Variants in FGF8 observed in about 807,000 individuals in gnomAD.
The protein encoded by FGF8 is androgen-induced growth factor.
Under a neutral mutation model 29.7 loss-of-function variants are expected in FGF8, and 12 were observed. The ratio of observed to expected loss-of-function variants is 0.40; its 90% CI spans 0.26 to 0.65. The LOEUF (loss-of-function observed/expected upper bound fraction) is 0.65, where lower values mean the gene tolerates loss of function less well. Among genes scored for constraint, FGF8 ranks in the 30% least tolerant of loss-of-function variants. FGF8 has a pLI of 0.37. For synonymous variants in FGF8, 157 were observed against 144.4 expected, an observed-to-expected ratio of 1.09 and a Z score of -0.63; for missense variants, 271 against 345.1, an observed-to-expected ratio of 0.79 and a Z score of 1.70.
Position 101,770,368 on chromosome 10 carries a change from C to A in FGF8, c.696G>T (p.Leu232=), listed in dbSNP as rs1268088935. 1.2e-6 allele frequency: 2 copies of A among 1,600,984 alleles called. No homozygotes were observed. The highest frequency in any genetic ancestry group is 1.7e-6 in the Non-Finnish European group (2 of 1,175,460). Residue 232 remains leucine (L), a synonymous_variant, in exon 6 of 6, where the codon CTG becomes CTT. Transcript: ENST00000320185. ...GGGCCCAAGTCCTCTGGCTGCCGCG[C>A]AGGCTGCGCGTGAAGGGCGGGTAGT... is the stretch of plus-strand genomic sequence containing the variant. The part of the protein sequence containing the change: ...FLNYPPFTRS[L]RGSQRTWAPE...
In FGF8 at chr10:101,770,280, A is replaced by G. The variant is rs2064999031; in HGVS notation, c.*49T>C. Reference sequence around the variant, plus strand: ...CTTGCTTGAGTTTTGGGTGCCCTACAGGATGAGCCTCTCTGCGGTCTGGCA... The same window carrying G: ...CTTGCTTGAGTTTTGGGTGCCCTACGGGATGAGCCTCTCTGCGGTCTGGCA... On this transcript the variant is annotated 3_prime_UTR_variant, in exon 6 of 6. Coordinates refer to ENST00000320185, the MANE Select transcript of FGF8 (RefSeq NM_033163.5). 5 of 1,522,226 alleles carry G rather than the reference A, an allele frequency of 3.3e-6. No homozygotes were observed. Among genetic ancestry groups the G allele is most frequent in the African/African-American group, 1.4e-5 (1 of 73,500 alleles). The allele number at this position is 1,522,226 out of a possible 1,614,324, so 94.3% of individuals were successfully genotyped here. A position where few individuals can be genotyped will look rare whatever the true frequency, so the allele number is the denominator to read the frequency against.
upstream of FGF8, among the ~76,000 whole-genome samples, chr10:101,777,299 G>T (rs2065106958): frequency 6.6e-6 from 1 of 152,120 alleles, no homozygotes; most frequent in Admixed American, 6.5e-5. Context: ...GCCTTGTGAG[G>T]AGCAGGTGAT....
chr10:101,770,803 C>T (rs2065013592), intron 5 of FGF8, among the ~76,000 whole-genome samples, 184 bp from the exon 6 acceptor site: 1 of 152,244 alleles, frequency 6.6e-6, no homozygotes, highest in African/African-American at 2.4e-5. Context: ...CGGCAACTTC[C>T]TGTCCTCCCA....
chr10:101,773,760 A>G (rs2065053629), intron 4 of FGF8, among the ~76,000 whole-genome samples: 1 of 152,146 alleles, frequency 6.6e-6, no homozygotes, highest in Non-Finnish European at 1.5e-5. Flanking sequence ...AAGAGTTTTA[A>G]TCGCTCTGCC....
chr10:101,770,301 TG>T lies in FGF8; in HGVS notation c.*27del. 2 of 1,566,828 alleles carry T rather than the reference TG, an allele frequency of 1.3e-6. No homozygotes were observed. The highest frequency in any genetic ancestry group is 1.7e-6 in the Non-Finnish European group (2 of 1,155,702). On this transcript the variant is annotated 3_prime_UTR_variant, in exon 6 of 6. Coordinates refer to ENST00000320185, the MANE Select transcript of FGF8 (RefSeq NM_033163.5). ...CTACAGGATGAGCCTCTCTGCGGTC[TG>T]GCATTGTGGGGAGGGCCAGGCAGCA...
upstream of FGF8, among the ~76,000 whole-genome samples, chr10:101,780,100 C>A (rs544832897): frequency 6.6e-6 from 1 of 152,368 alleles, no homozygotes; most frequent in East Asian, 1.9e-4. Context: ...GCCGACCGCG[C>A]TCCGCAGCGA....
rs892676487 is a variant in FGF8, at chr10:101,771,789, G to A, written c.338-220C>T. Among the ~76,000 whole-genome samples the A allele has an allele frequency of 1.3e-5, 2 of 152,214 alleles. No individual in the cohort carries two copies. The highest frequency in any genetic ancestry group is 2.9e-5 in the Non-Finnish European group (2 of 68,030). ...TACAGAGGGCAGTGGACGGGATTAT[G>A]GTTTTCAAACTGGGTTCTCAAGAGA... On this transcript the variant is annotated intron_variant, in intron 4 of 5. Transcript: ENST00000320185. This position sits in a 1 kb window ranked among gnomAD's most constrained non-coding sequence, Gnocchi z 5.3.
rs774950983 is a variant in FGF8 at position 101,770,334 on chromosome 10, G to C, written c.730C>G (p.Arg244Gly). ...GSQRTWAPEP[R>G] is the part of the protein sequence containing the mutation. ...TGGGGAGGGCCAGGCAGCACCTATC[G>C]GGGCTCGGGGGCCCAAGTCCTCTGG... Residue 244 changes from arginine (R) to glycine (G), a missense_variant, in exon 6 of 6, where the codon CGA becomes GGA. Physicochemically the swap from Arg to Gly is moderately radical, Grantham distance 125. Coordinates refer to ENST00000320185, the MANE Select transcript of FGF8 (RefSeq NM_033163.5). 2.5e-6 allele frequency: 4 copies of C among 1,592,754 alleles called. No homozygotes were observed. Among genetic ancestry groups the C allele is most frequent in the Admixed American group, 1.8e-5 (1 of 56,590 alleles).
chr10:101,779,750 C>A (rs996540999), upstream of FGF8, among the ~76,000 whole-genome samples: 1 of 152,206 alleles, frequency 6.6e-6, no homozygotes, highest in African/African-American at 2.4e-5. The surrounding 1 kb of genome is among the most constrained non-coding windows in gnomAD (Gnocchi z 5.7). Context: ...AGAGAGGACT[C>A]AGCCAGTCTC....
Position 101,775,079 on chromosome 10 carries a change from C to T in FGF8, c.156+51G>A, listed in dbSNP as rs1315322998. On this transcript the variant is annotated intron_variant, in intron 3 of 5. Coordinates refer to ENST00000320185, the MANE Select transcript of FGF8 (RefSeq NM_033163.5). This position sits in a 1 kb window ranked among gnomAD's most constrained non-coding sequence, Gnocchi z 4.6. ...GCCACCATCCCCCACCCACGCAAGTCGGGCAGACCCAGCCCAGGATGAACG... is the reference window on the plus strand; with the variant it reads ...GCCACCATCCCCCACCCACGCAAGTTGGGCAGACCCAGCCCAGGATGAACG... 9 of 1,517,086 alleles carry T rather than the reference C, an allele frequency of 5.9e-6. No homozygotes were observed. The highest frequency in any genetic ancestry group is 8.1e-6 in the Non-Finnish European group (9 of 1,117,854). The allele number at this position is 1,517,086 out of a possible 1,614,324, so 94.0% of individuals were successfully genotyped here.
Position 101,775,440 on chromosome 10 carries a change from C to T in FGF8, c.70-224G>A. The T allele has an allele frequency of 1.7e-6, 1 of 603,748 alleles. No homozygotes were observed. Among genetic ancestry groups the T allele is most frequent in the Non-Finnish European group, 2.9e-6 (1 of 339,710 alleles). 37.4% of individuals were successfully genotyped at this position (603,748 alleles called of 1,614,324 possible). ...CATCCATCCCCTGGCCGCGGCTGCC[C>T]CCTTCCTCGGCGGCTGGGTGTTCCC... On this transcript the variant is annotated intron_variant, in intron 2 of 5. Coordinates refer to ENST00000320185, the MANE Select transcript of FGF8 (RefSeq NM_033163.5). The surrounding 1 kb of genome is among the most constrained non-coding windows in gnomAD (Gnocchi z 4.6).
chr10:101,778,767 T>G (rs1262744482), upstream of FGF8, among the ~76,000 whole-genome samples: 1 of 152,200 alleles, frequency 6.6e-6, no homozygotes, highest in East Asian at 1.9e-4. Flanking sequence ...GACTGACAGA[T>G]GCAAATGTCC....
At position 101,775,044 on chromosome 10, in the gene FGF8, G is replaced by A; in HGVS notation, c.156+86C>T. 9.4e-6 allele frequency: 14 copies of A among 1,489,198 alleles called. No individual in the cohort carries two copies. The South Asian group carries it at 1.7e-4, about 18-fold the overall frequency. The allele number at this position is 1,489,198 out of a possible 1,614,324, so 92.2% of individuals were successfully genotyped here. On this transcript the variant is annotated intron_variant, in intron 3 of 5. Coordinates refer to ENST00000320185, the MANE Select transcript of FGF8 (RefSeq NM_033163.5). The surrounding 1 kb of genome is among the most constrained non-coding windows in gnomAD (Gnocchi z 4.6). Reference sequence around the variant, plus strand: ...CAGGTGCTGGGGGTTCCCCCAACATGCCAGCCCAGGCCACCATCCCCCACC... The same window carrying A: ...CAGGTGCTGGGGGTTCCCCCAACATACCAGCCCAGGCCACCATCCCCCACC...
At position 101,771,338 on chromosome 10, in the gene FGF8, A is replaced by G. The variant is rs956945165; in HGVS notation, c.444+125T>C. 10 of 743,010 alleles carry G rather than the reference A, an allele frequency of 1.3e-5. No individual in the cohort carries two copies. The African/African-American group carries it at 1.7e-4, about 13-fold the overall frequency. The allele number at this position is 743,010 out of a possible 1,614,324, so 46.0% of individuals were successfully genotyped here. On this transcript the variant is annotated intron_variant, in intron 5 of 5. Transcript: ENST00000320185. This position sits in a 1 kb window ranked among gnomAD's most constrained non-coding sequence, Gnocchi z 5.3. ...CTGCACCCAATCGTGAGGTAACCCC[A>G]AGATGGCCCTGTGGCCTTCTGCCTA...
In FGF8 at chr10:101,775,579, G is replaced by T; in HGVS notation, c.69+161C>A. 1.3e-6 allele frequency: 1 copy of T among 743,646 alleles called. No individual in the cohort carries two copies. The highest frequency in any genetic ancestry group is 2.2e-6 in the Non-Finnish European group (1 of 459,708). The allele number at this position is 743,646 out of a possible 1,614,324, so 46.1% of individuals were successfully genotyped here. On this transcript the variant is annotated intron_variant, in intron 2 of 5. Transcript: ENST00000320185. This position sits in a 1 kb window ranked among gnomAD's most constrained non-coding sequence, Gnocchi z 4.6. Reference sequence around the variant, plus strand: ...CTCAGGAGGGGTGCTACCTCTCTGTGCCTCAGCTCCCTCCTCGGGGTGGCT... The same window carrying T: ...CTCAGGAGGGGTGCTACCTCTCTGTTCCTCAGCTCCCTCCTCGGGGTGGCT...
intron 4 of FGF8, among the ~76,000 whole-genome samples, 191 bp downstream of exon 4, chr10:101,774,541 G>T (rs1490170300): frequency 1.3e-5 from 2 of 152,184 alleles, no homozygotes; most frequent in African/African-American, 2.4e-5. Flanking sequence ...GGCAGGGAAG[G>T]GGGCACCTGT....
At chr10:101,778,754 C>T (rs1564634198), upstream of FGF8, among the ~76,000 whole-genome samples, 1 of 152,224 alleles carries the variant, frequency 6.6e-6, no homozygotes, top group East Asian at 1.9e-4. Context: ...TGGCACGCCC[C>T]GTGACTGACA....
In FGF8 at chr10:101,775,745, C is replaced by T; in HGVS notation, c.64G>A (p.Ala22Thr). The stretch of plus-strand genomic sequence containing the variant: ...CTCCGCGCACCCCTCCTCACCTGGG[C>T]TTGGAGGCAGAGGACCAGCAAGTGC... ...LLHLLVLCLQ[A>T]QEGPGRGPAL... Residue 22 changes from alanine to threonine, a missense_variant, in exon 2 of 6, where the codon GCC becomes ACC. By Grantham distance (58) the Ala-to-Thr change is moderately conservative. Coordinates refer to ENST00000320185, the MANE Select transcript of FGF8 (RefSeq NM_033163.5). This position sits in a 1 kb window ranked among gnomAD's most constrained non-coding sequence, Gnocchi z 4.6. The T allele has an allele frequency of 6.5e-7, 1 of 1,545,714 alleles. No individual in the cohort carries two copies. Among genetic ancestry groups the T allele is most frequent in the South Asian group, 1.2e-5 (1 of 84,002 alleles).
At chr10:101,774,036 AAACAACACC>A in intron 4 of FGF8, among the ~76,000 whole-genome samples, 1 of 152,244 alleles carries the variant, frequency 6.6e-6, no homozygotes, top group Admixed American at 6.5e-5. Flanking sequence ...CGCTCTCTAA[AAACAACACC>A]AGCCGCCCAG....
Sources: allele counts gnomAD v4.1 joint callset (sites outside exome capture counted in the v4.1 genomes callset), GRCh38; gene constraint gnomAD v4.1.1; non-coding constraint Gnocchi (gnomAD v3.1); transcripts MANE v1.5; gene names NCBI Gene and HGNC (gene_info 2026-07-23, HGNC 2026-07-21).